The following UQCC1 variants were observed in gnomAD, a reference collection of about 807,000 sequenced individuals.
The protein encoded by UQCC1 is ubiquinol-cytochrome c reductase complex assembly factor 1.
In UQCC1, 38 loss-of-function variants were observed where a neutral mutation model predicts 48.0. That is an observed-to-expected ratio of 0.79 (90% confidence interval 0.61 to 1.04). UQCC1 has a LOEUF of 1.04. Ranked by LOEUF, UQCC1 falls within the 50% of genes least tolerant of loss-of-function variation. The pLI is 0.00. For missense variants in UQCC1, 368 were observed against 381.8 expected, an observed-to-expected ratio of 0.96 and a Z score of 0.30; for synonymous variants, 111 against 129.2, an observed-to-expected ratio of 0.86 and a Z score of 0.95.
At chr20:35,347,886 T>C (rs963260429) in intron 6 of UQCC1, among the ~76,000 whole-genome samples, 1 of 152,222 alleles carries the variant, frequency 6.6e-6, no homozygotes, top group African/African-American at 2.4e-5. Flanking sequence ...TTACATACAA[T>C]CTATTAAAAT....
intron 7 of UQCC1, among the ~76,000 whole-genome samples, chr20:35,341,569 C>A (rs934456984): frequency 6.6e-6 from 1 of 152,128 alleles, no homozygotes; most frequent in Non-Finnish European, 1.5e-5. Flanking sequence ...GACAGATGTA[C>A]GTGATCCTGC....
At chr20:35,335,792 ATGGGAT>A (rs2061309526) in intron 7 of UQCC1, among the ~76,000 whole-genome samples, 1 of 152,248 alleles carries the variant, frequency 6.6e-6, no homozygotes, top group Admixed American at 6.5e-5. Context: ...TTTACATGTT[ATGGGAT>A]ATAAATTATA....
At chr20:35,343,260 C>G (rs1366307079) in intron 7 of UQCC1, among the ~76,000 whole-genome samples, 1 of 152,148 alleles carries the variant, frequency 6.6e-6, no homozygotes, top group East Asian at 1.9e-4. Context: ...TGAAAAAAAG[C>G]TGAAAACTTG....
At position 35,303,090 on chromosome 20, in the gene UQCC1, AGGAGGAATG is replaced by A. The variant is rs2060887952; in HGVS notation, c.*836_*844del. 6.6e-6 allele frequency: 1 copy of A among 152,262 alleles called. No individual in the cohort carries two copies. Among genetic ancestry groups the A allele is most frequent in the African/African-American group, 2.4e-5 (1 of 41,464 alleles). 9.4% of individuals were successfully genotyped at this position (152,262 alleles called of 1,614,324 possible). ...GGTCTGGGTCTGCTACAACTAAGCC[AGGAGGAATG>A]TTCTCTTCTCCCCAGTATCTCATGA... is the stretch of plus-strand genomic sequence containing the variant. On this transcript the variant is annotated 3_prime_UTR_variant, in exon 10 of 10. Transcript: ENST00000374385.
intron 7 of UQCC1, among the ~76,000 whole-genome samples, chr20:35,335,975 GTGTGGGC>G (rs2061312282): frequency 6.6e-6 from 1 of 152,168 alleles, no homozygotes; most frequent in Non-Finnish European, 1.5e-5. Flanking sequence ...TCCAAGATCA[GTGTGGGC>G]AGCACGGAGA....
intron 4 of UQCC1, among the ~76,000 whole-genome samples, 189 bp from the exon 5 acceptor site, chr20:35,374,445 C>T (rs2061772901): frequency 6.6e-6 from 1 of 152,192 alleles, no homozygotes; most frequent in Admixed American, 6.5e-5. Context: ...AGACTTCACA[C>T]AATTTTCATA....
At chr20:35,313,751 G>A (rs2061022027) in intron 8 of UQCC1, among the ~76,000 whole-genome samples, 1 of 151,860 alleles carries the variant, frequency 6.6e-6, no homozygotes, top group African/African-American at 2.4e-5. Context: ...TCCCAAGCAG[G>A]TGGGATTACA....
At chr20:35,320,197 C>T (rs756124990) in intron 7 of UQCC1, among the ~76,000 whole-genome samples, 1 of 152,190 alleles carries the variant, frequency 6.6e-6, no homozygotes, top group African/African-American at 2.4e-5. Context: ...TCTGCCCTCT[C>T]CCCCATCTAC....
At position 35,386,466 on chromosome 20, in the gene UQCC1, A is replaced by G. The variant is rs146672293; in HGVS notation, c.130-2333T>C. On this transcript the variant is annotated intron_variant, in intron 2 of 9. Coordinates refer to ENST00000374385, the MANE Select transcript of UQCC1 (RefSeq NM_018244.5). ...TCTTTCCAAACGAGGATATTAAAAAATTAGTCAGGATTCTTCTGGTCAGTC... is the reference window on the plus strand; with the variant it reads ...TCTTTCCAAACGAGGATATTAAAAAGTTAGTCAGGATTCTTCTGGTCAGTC... The G allele has an allele frequency of 8.8e-3, 3,639 of 414,536 alleles. 22 individuals are homozygous for G. Among genetic ancestry groups the G allele is most frequent in the Middle Eastern group, 0.013 (17 of 1,282 alleles). 25.7% of individuals were successfully genotyped at this position (414,536 alleles called of 1,614,324 possible). A position where few individuals can be genotyped will look rare whatever the true frequency, so the allele number is the denominator to read the frequency against.
intron 9 of UQCC1, among the ~76,000 whole-genome samples, chr20:35,306,268 G>C (rs1384742736): frequency 6.6e-6 from 1 of 152,158 alleles, no homozygotes; most frequent in African/African-American, 2.4e-5. Context: ...GTCAGGAGCA[G>C]GAAACAAATC....
At chr20:35,401,461 C>T (rs779892918) in intron 1 of UQCC1, among the ~76,000 whole-genome samples, 76 of 152,006 alleles carry the variant, frequency 5.0e-4, no homozygotes, top group Non-Finnish European at 1.9e-4. Context: ...AACAAGAAGG[C>T]GGAATGTTGA....
chr20:35,399,424 C>T (rs1003044722), intron 1 of UQCC1, among the ~76,000 whole-genome samples: 18 of 152,180 alleles, frequency 1.2e-4, no homozygotes, highest in African/African-American at 3.9e-4. Flanking sequence ...GTGTTTTCCA[C>T]TCAACAGTTT....
In UQCC1 at chr20:35,322,732, AAAAAACAAAAAC is replaced by A. The variant is rs538020583; in HGVS notation, c.574-7979_574-7968del. Among the ~76,000 whole-genome samples the A allele has an allele frequency of 9.9e-4, 151 of 152,224 alleles. No homozygotes were observed. The East Asian group carries it at 0.01, about 10-fold the overall frequency. On this transcript the variant is annotated intron_variant, in intron 7 of 9. Transcript: ENST00000374385. ...TGGCAACTGAGCAAGACTCTGTCTC[AAAAAACAAAAAC>A]AAAAACAAAAACAAAAACGTTAAGT...
In UQCC1 at chr20:35,340,721, T is replaced by C. The variant is rs1016358575; in HGVS notation, c.573+6443A>G. Reference sequence around the variant, plus strand: ...ACTATACCTTTTAATGTGCTCCTTGTCTTTAAAAACAATACCTTTGGCAGT... The same window carrying C: ...ACTATACCTTTTAATGTGCTCCTTGCCTTTAAAAACAATACCTTTGGCAGT... On this transcript the variant is annotated intron_variant, in intron 7 of 9. Transcript: ENST00000374385. Among the ~76,000 whole-genome samples, 13 of 152,320 alleles carry C rather than the reference T, an allele frequency of 8.5e-5. 2 individuals are homozygous for C. Among genetic ancestry groups the C allele is most frequent in the Admixed American group, 6.5e-5 (1 of 15,294 alleles).
intron 7 of UQCC1, among the ~76,000 whole-genome samples, chr20:35,323,193 G>A (rs1443772951): frequency 6.6e-6 from 1 of 152,176 alleles, no homozygotes; most frequent in African/African-American, 2.4e-5. Flanking sequence ...TGCTTCTGAT[G>A]AGTCATATGA....
In UQCC1 at chr20:35,396,284, C is replaced by CTTT. The variant is rs34830667; in HGVS notation, c.25-2091_25-2089dup. On this transcript the variant is annotated intron_variant, in intron 1 of 9. Coordinates refer to ENST00000374385, the MANE Select transcript of UQCC1 (RefSeq NM_018244.5). ...ACAGATGTGAGCCACTGTGCCTGGCCTTTTTTTTTTTTTTTTTTTTTTTAA... is the reference window on the plus strand; with the variant it reads ...ACAGATGTGAGCCACTGTGCCTGGCCTTTTTTTTTTTTTTTTTTTTTTTTTTAA... Among the ~76,000 whole-genome samples, 222 of 94,398 alleles carry CTTT rather than the reference C, an allele frequency of 2.4e-3. 4 individuals are homozygous for CTTT. Among genetic ancestry groups the CTTT allele is most frequent in the African/African-American group, 7.5e-3 (192 of 25,476 alleles). The allele number at this position is 94,398 out of a possible 152,430, so 61.9% of individuals were successfully genotyped here. A position where few individuals can be genotyped will look rare whatever the true frequency, so the allele number is the denominator to read the frequency against.
chr20:35,411,620 T>C (rs1167828813), intron 1 of UQCC1, among the ~76,000 whole-genome samples: 1 of 152,094 alleles, frequency 6.6e-6, no homozygotes, highest in Admixed American at 6.6e-5. Context: ...AACCCAGGCC[T>C]CCTGAAACTC....
At chr20:35,383,550 G>A (rs1219939403) in intron 3 of UQCC1, among the ~76,000 whole-genome samples, 3 of 151,870 alleles carry the variant, frequency 2.0e-5, no homozygotes, top group African/African-American at 4.8e-5. Flanking sequence ...ACTCCACCAG[G>A]GTAACAGAGC....
chr20:35,358,850 G>A (rs1438997830), intron 6 of UQCC1, among the ~76,000 whole-genome samples: 3 of 152,120 alleles, frequency 2.0e-5, no homozygotes, highest in South Asian at 2.1e-4. Context: ...GTGAGCCACC[G>A]CGCCTGGCCT....
Sources: allele counts gnomAD v4.1 joint callset (sites outside exome capture counted in the v4.1 genomes callset), GRCh38; gene constraint gnomAD v4.1.1; transcripts MANE v1.5; gene names NCBI Gene and HGNC (gene_info 2026-07-23, HGNC 2026-07-21).